TUT4: variants seen among roughly 807,000 people sequenced by gnomAD.
TUT4 encodes terminal uridylyl transferase 4, also known as terminal uridylyltransferase 4.
TUT4 carries 36 observed loss-of-function variants against 192.2 expected under a neutral mutation model. The ratio of observed to expected loss-of-function variants is 0.19; its 90% CI spans 0.14 to 0.25. TUT4 has a LOEUF of 0.25. Ranked by LOEUF, TUT4 falls within the 10% of genes least tolerant of loss-of-function variation. TUT4 has a pLI of 1.00. For missense variants in TUT4, 1,493 were observed against 1,957.2 expected, an observed-to-expected ratio of 0.76 and a Z score of 4.47; for synonymous variants, 618 against 666.0, an observed-to-expected ratio of 0.93 and a Z score of 1.11.
chr1:52,492,209 A>C (rs1170464483), intron 7 of TUT4, among the ~76,000 whole-genome samples: 1 of 152,192 alleles, frequency 6.6e-6, no homozygotes, highest in African/African-American at 2.4e-5. Flanking sequence ...TATATGATAC[A>C]CTGTACCAAA....
chr1:52,426,360 C>G (rs915851463), intron 28 of TUT4, among the ~76,000 whole-genome samples: 1 of 152,098 alleles, frequency 6.6e-6, no homozygotes, highest in South Asian at 2.1e-4. Context: ...TAACTATCCC[C>G]CCAAATCTAT....
At chr1:52,464,815 C>A in intron 16 of TUT4, 1 of 319,682 alleles carries the variant, frequency 3.1e-6, no homozygotes, top group East Asian at 5.2e-5. Context: ...TATTTTTTCC[C>A]AAAATTCATT....
intron 11 of TUT4, among the ~76,000 whole-genome samples, chr1:52,478,612 T>C (rs1667694883): frequency 6.6e-6 from 1 of 152,154 alleles, no homozygotes; most frequent in African/African-American, 2.4e-5. Context: ...GCCACCTAAA[T>C]AAGGTCCTAC....
Position 52,481,858 on chromosome 1 carries a change from C to A in TUT4, c.1581G>T (p.Met527Ile), listed in dbSNP as rs1257350707. The change falls in exon 10 of 30, where the codon ATG (methionine) becomes ATT (isoleucine). Residue 527 changes from methionine (M) to isoleucine (I), a missense_variant. Coordinates refer to ENST00000257177, the MANE Select transcript of TUT4 (RefSeq NM_001009881.3). Reference protein sequence around the residue: ...IPSYCFALMVMFFLQQRKPPL... With the variant: ...IPSYCFALMVIFFLQQRKPPL... ...GGGGTTTTCTCTGTTGTAGAAAAAA[C>A]ATCACCATTAAAGCAAAACAGTAAG... 6.3e-7 allele frequency: 1 copy of A among 1,599,900 alleles called. No individual in the cohort carries two copies. The highest frequency in any genetic ancestry group is 1.8e-5 in the Admixed American group (1 of 55,616).
intron 3 of TUT4, among the ~76,000 whole-genome samples, chr1:52,513,515 G>C (rs1048997510): frequency 6.6e-6 from 1 of 150,992 alleles, no homozygotes; most frequent in African/African-American, 2.4e-5. Flanking sequence ...AAATAAAGAG[G>C]TAGAAAGAAA....
chr1:52,484,878 C>T (rs138078444), intron 9 of TUT4, among the ~76,000 whole-genome samples: 12 of 152,306 alleles, frequency 7.9e-5, no homozygotes, highest in African/African-American at 2.4e-4. Context: ...AGCTATTACC[C>T]GTCTGAGCTT....
chr1:52,463,119 T>A, intron 16 of TUT4: 1 of 982,800 alleles, frequency 1.0e-6, no homozygotes, highest in Non-Finnish European at 1.2e-6. Context: ...AAGAAAATGA[T>A]TTATTATTTT....
chr1:52,454,446 T>C (rs140293501), intron 20 of TUT4, among the ~76,000 whole-genome samples: 103 of 152,272 alleles, frequency 6.8e-4, no homozygotes, highest in African/African-American at 2.4e-3. Context: ...AACTGATCCT[T>C]GACAAAGGAG....
chr1:52,533,411 C>A (rs1684021411), intron 1 of TUT4, among the ~76,000 whole-genome samples: 1 of 152,196 alleles, frequency 6.6e-6, no homozygotes, highest in Non-Finnish European at 1.5e-5. Flanking sequence ...AATTCATTGA[C>A]AGAACTATAA....
intron 1 of TUT4, among the ~76,000 whole-genome samples, chr1:52,536,207 A>C (rs937928074): frequency 1.3e-5 from 2 of 152,250 alleles, no homozygotes; most frequent in African/African-American, 4.8e-5. Flanking sequence ...CACAAACTAT[A>C]TAAAGATGTA....
At chr1:52,531,931 C>G (rs1683561509) in intron 1 of TUT4, among the ~76,000 whole-genome samples, 1 of 116,482 alleles carries the variant, frequency 8.6e-6, no homozygotes. Context: ...GAATCCCACT[C>G]TGCTGCCAAG....
intron 4 of TUT4, among the ~76,000 whole-genome samples, chr1:52,500,261 G>C (rs1447733644): frequency 6.6e-6 from 1 of 152,166 alleles, no homozygotes; most frequent in Admixed American, 6.5e-5. Context: ...ATATCTACAT[G>C]TAAAAGAATG....
intron 20 of TUT4, among the ~76,000 whole-genome samples, chr1:52,448,464 T>C (rs1267759982): frequency 6.6e-6 from 1 of 151,820 alleles, no homozygotes; most frequent in Non-Finnish European, 1.5e-5. Context: ...TGGTTCGTGC[T>C]GGTAGTCCCA....
At position 52,479,720 on chromosome 1, in the gene TUT4, C is replaced by G. The variant is rs146010023; in HGVS notation, c.1848+1703G>C. 8.7e-3 allele frequency among the ~76,000 whole-genome samples: 1,327 copies of G among 152,194 alleles called. 22 individuals are homozygous for G. The highest frequency in any genetic ancestry group is 0.03 in the African/African-American group (1,259 of 41,548). On this transcript the variant is annotated intron_variant, in intron 11 of 29. Coordinates refer to ENST00000257177, the MANE Select transcript of TUT4 (RefSeq NM_001009881.3). ...TTAAGACATCTATTAGACGGCCGGG[C>G]GCGGAGGCTCACGCCTGTAATCCCA...
chr1:52,467,136 A>G (rs1292137747), intron 15 of TUT4, among the ~76,000 whole-genome samples: 1 of 152,042 alleles, frequency 6.6e-6, no homozygotes. Context: ...CAGAGTGAGA[A>G]CCTGTCTCTA....
At chr1:52,515,507 T>A in intron 3 of TUT4, 1 of 302,838 alleles carries the variant, frequency 3.3e-6, no homozygotes. Context: ...ACTACTCAAC[T>A]CAAATTTCCC....
At chr1:52,503,398 G>C (rs1028279680) in intron 4 of TUT4, among the ~76,000 whole-genome samples, 2 of 151,990 alleles carry the variant, frequency 1.3e-5, no homozygotes, top group African/African-American at 4.8e-5. Flanking sequence ...AAAACTGTGT[G>C]CCAGTCTAGC....
intron 4 of TUT4, among the ~76,000 whole-genome samples, chr1:52,498,281 G>A (rs1380623291): frequency 3.7e-5 from 5 of 136,110 alleles, no homozygotes; most frequent in South Asian, 4.6e-4. Flanking sequence ...TCTCGCTGTC[G>A]CCCCGGCTGG....
chr1:52,536,093 T>C (rs183543653), intron 1 of TUT4, among the ~76,000 whole-genome samples: 51 of 152,344 alleles, frequency 3.3e-4, no homozygotes, highest in African/African-American at 1.2e-3. Context: ...TAGGTAAATA[T>C]AAAAGCCAAT....
Sources: gnomAD v4.1 joint callset for allele counts (sites outside exome capture counted in the v4.1 genomes callset) on GRCh38, gnomAD v4.1.1 for gene constraint, MANE v1.5 for transcripts, NCBI Gene and HGNC (gene_info 2026-07-23, HGNC 2026-07-21) for gene names.